The following TMEM266 variants were observed in gnomAD, a reference collection of about 807,000 sequenced individuals.
The protein encoded by TMEM266 is Hv1 related protein 1.
TMEM266 carries 33 observed loss-of-function variants against 50.5 expected under a neutral mutation model. The observed-to-expected ratio is 0.65, with a 90% CI of 0.50 to 0.87. TMEM266 has a LOEUF of 0.87. Ranked by LOEUF, TMEM266 falls within the 40% of genes least tolerant of loss-of-function variation. The probability of loss-of-function intolerance (pLI) is 0.00; values close to 1 mark genes in which losing one functional copy is unlikely to be tolerated. For missense variants in TMEM266, 655 were observed against 695.1 expected, an observed-to-expected ratio of 0.94 and a Z score of 0.65; for synonymous variants, 310 against 292.3, an observed-to-expected ratio of 1.06 and a Z score of -0.62.
intron 1 of TMEM266, among the ~76,000 whole-genome samples, chr15:76,079,686 G>A (rs2036657012): frequency 6.7e-6 from 1 of 149,326 alleles, no homozygotes; most frequent in Non-Finnish European, 1.5e-5. Context: ...TACTCGGGAG[G>A]CTGAGTGAAA....
chr15:76,172,056 C>G (rs2142061471), intron 7 of TMEM266, among the ~76,000 whole-genome samples: 1 of 152,288 alleles, frequency 6.6e-6, no homozygotes, highest in South Asian at 2.1e-4. Flanking sequence ...GCCCACCCCA[C>G]CTCAGCCAGA....
chr15:76,151,454 A>G (rs900174967), intron 3 of TMEM266, among the ~76,000 whole-genome samples: 1 of 151,688 alleles, frequency 6.6e-6, no homozygotes, highest in South Asian at 2.1e-4. Flanking sequence ...CCAGCCCCCA[A>G]CCCACCCTCC....
At chr15:76,171,327 G>A (rs1399434770) in intron 7 of TMEM266, among the ~76,000 whole-genome samples, 196 bp downstream of exon 7, 3 of 152,200 alleles carry the variant, frequency 2.0e-5, no homozygotes, top group African/African-American at 7.2e-5. Flanking sequence ...GGTGTCACAC[G>A]TACACGCTGA....
At chr15:76,177,399 C>T (rs1008368865) in intron 8 of TMEM266, among the ~76,000 whole-genome samples, 1 of 152,252 alleles carries the variant, frequency 6.6e-6, no homozygotes, top group Non-Finnish European at 1.5e-5. Flanking sequence ...ACCCCAGCCT[C>T]TCACAGTTTT....
chr15:76,074,998 T>A (rs2036585617), intron 1 of TMEM266, among the ~76,000 whole-genome samples: 1 of 152,064 alleles, frequency 6.6e-6, no homozygotes, highest in African/African-American at 2.4e-5. Context: ...AAATTGCCAT[T>A]TATTCCAGTG....
intron 2 of TMEM266, among the ~76,000 whole-genome samples, chr15:76,134,819 A>G (rs1255305186): frequency 6.6e-6 from 1 of 152,270 alleles, no homozygotes; most frequent in Non-Finnish European, 1.5e-5. Context: ...ACAACCAACC[A>G]TAGAACCTTA....
intron 7 of TMEM266, 200 bp from the exon 8 acceptor site, chr15:76,175,359 G>A: frequency 1.8e-6 from 1 of 546,256 alleles, no homozygotes; most frequent in East Asian, 3.2e-5. Context: ...CAGGAAAACA[G>A]CTACCCTGGA....
chr15:76,120,868 TGTG>T (rs2037333029), intron 1 of TMEM266, among the ~76,000 whole-genome samples: 1 of 151,002 alleles, frequency 6.6e-6, no homozygotes, highest in Non-Finnish European at 1.5e-5. Context: ...AGGCAGGTAA[TGTG>T]GGGGAAGCAG....
At chr15:76,179,642 C>A (rs866497596) in intron 8 of TMEM266, among the ~76,000 whole-genome samples, 1 of 152,198 alleles carries the variant, frequency 6.6e-6, no homozygotes, top group African/African-American at 2.4e-5. Context: ...CCCCCAACCC[C>A]GTTCCAGGAC....
chr15:76,111,660 A>C (rs1012272631), intron 1 of TMEM266, among the ~76,000 whole-genome samples: 27 of 149,768 alleles, frequency 1.8e-4, no homozygotes, highest in Admixed American at 1.8e-3. Flanking sequence ...CACCCGCCTC[A>C]GCCTCCCAAA....
intron 4 of TMEM266, among the ~76,000 whole-genome samples, chr15:76,158,393 C>G (rs1396296961): frequency 6.6e-6 from 1 of 152,166 alleles, no homozygotes; most frequent in Admixed American, 6.5e-5. Flanking sequence ...TATACTTTCC[C>G]TCCCACTCAC....
At chr15:76,196,309 T>TC (rs2038655710) in intron 9 of TMEM266, among the ~76,000 whole-genome samples, 2 of 152,108 alleles carry the variant, frequency 1.3e-5, no homozygotes, top group Admixed American at 6.5e-5. Context: ...TGCCCCAGCC[T>TC]AGGCACATTG....
intron 1 of TMEM266, among the ~76,000 whole-genome samples, chr15:76,083,233 CTTT>C (rs3068737): frequency 4.4e-5 from 6 of 136,200 alleles, no homozygotes; most frequent in African/African-American, 2.8e-5. Context: ...TGCTGATACT[CTTT>C]TTTTTTTTTT....
intron 8 of TMEM266, among the ~76,000 whole-genome samples, chr15:76,179,408 A>G (rs2038358982): frequency 6.6e-6 from 1 of 152,186 alleles, no homozygotes; most frequent in South Asian, 2.1e-4. Flanking sequence ...ACAAATAAGA[A>G]AACTGAGCAG....
At chr15:76,143,987 A>G (rs979336151) in intron 3 of TMEM266, among the ~76,000 whole-genome samples, 1 of 152,060 alleles carries the variant, frequency 6.6e-6, no homozygotes, top group African/African-American at 2.4e-5. Context: ...GGAATGATCT[A>G]TTCTTCTGCC....
At chr15:76,200,262 C>G (rs1483443843) in intron 9 of TMEM266, among the ~76,000 whole-genome samples, 1 of 152,204 alleles carries the variant, frequency 6.6e-6, no homozygotes, top group Non-Finnish European at 1.5e-5. Context: ...GACTCCTGTA[C>G]TGGGGACTGG....
intron 1 of TMEM266, among the ~76,000 whole-genome samples, chr15:76,074,980 G>A (rs1451603073): frequency 1.3e-5 from 2 of 152,094 alleles, no homozygotes; most frequent in Non-Finnish European, 2.9e-5. Context: ...TGAACAATTG[G>A]AGGGATAAAA....
intron 1 of TMEM266, among the ~76,000 whole-genome samples, chr15:76,065,889 A>C (rs997260190): frequency 3.3e-5 from 5 of 151,402 alleles, no homozygotes; most frequent in Non-Finnish European, 5.9e-5. Flanking sequence ...TGTCCCGCGC[A>C]CTCCCCACTC....
intron 3 of TMEM266, among the ~76,000 whole-genome samples, chr15:76,146,804 C>T (rs1354887728): frequency 6.6e-6 from 1 of 152,192 alleles, no homozygotes; most frequent in Non-Finnish European, 1.5e-5. Context: ...CTCCTCTAAC[C>T]CCACCAGGCT....
Sources: allele counts gnomAD v4.1 joint callset (sites outside exome capture counted in the v4.1 genomes callset), GRCh38; gene constraint gnomAD v4.1.1; transcripts MANE v1.5; gene names NCBI Gene and HGNC (gene_info 2026-07-23, HGNC 2026-07-21).